The following SLC35F3 variants were observed in gnomAD, a reference collection of about 807,000 sequenced individuals.
The protein encoded by SLC35F3 is solute carrier family 35 member F3.
A neutral mutation model predicts 49.9 loss-of-function variants in SLC35F3; 25 were observed. The observed-to-expected ratio is 0.50, with a 90% confidence interval of 0.37 to 0.70. The LOEUF (loss-of-function observed/expected upper bound fraction) is 0.70, where lower values mean the gene tolerates loss of function less well. Among genes scored for constraint, SLC35F3 ranks in the 30% least tolerant of loss-of-function variants. The probability of loss-of-function intolerance (pLI) is 0.00; values close to 1 mark genes in which losing one functional copy is unlikely to be tolerated. For synonymous variants in SLC35F3, 275 were observed against 265.4 expected (o/e 1.04, Z -0.35); for missense variants, 525 against 639.8 (o/e 0.82, Z 1.94).
At chr1:234,273,508 A>G (rs1250659748) in intron 3 of SLC35F3, among the ~76,000 whole-genome samples, 1 of 152,272 alleles carries the variant, frequency 6.6e-6, no homozygotes, top group Non-Finnish European at 1.5e-5. Flanking sequence ...CAGGAAGGCC[A>G]GAAGCACATC....
chr1:234,130,817 G>A (rs1021505272), intron 2 of SLC35F3, among the ~76,000 whole-genome samples: 7 of 152,044 alleles, frequency 4.6e-5, no homozygotes, highest in African/African-American at 1.7e-4. Context: ...GAAATTCCAC[G>A]CCAAAGTATA....
intron 2 of SLC35F3, among the ~76,000 whole-genome samples, chr1:234,029,929 CTCTT>C (rs1264399900): frequency 3.3e-5 from 5 of 152,146 alleles, no homozygotes; most frequent in Non-Finnish European, 4.4e-5. Context: ...CTTCTTGTAT[CTCTT>C]TCTTTCCATT....
chr1:234,310,174 C>A (rs916217183), intron 4 of SLC35F3, among the ~76,000 whole-genome samples: 2 of 152,210 alleles, frequency 1.3e-5, no homozygotes, highest in Admixed American at 1.3e-4. Flanking sequence ...TTGCTACAAA[C>A]CAGCGCCGAG....
chr1:234,086,952 A>T (rs986713129), intron 2 of SLC35F3, among the ~76,000 whole-genome samples: 3 of 152,240 alleles, frequency 2.0e-5, no homozygotes, highest in Non-Finnish European at 2.9e-5. Flanking sequence ...TTCCCCAGGT[A>T]TAATAAATTG....
intron 2 of SLC35F3, among the ~76,000 whole-genome samples, chr1:234,001,244 T>C (rs1196231904): frequency 6.6e-6 from 1 of 152,190 alleles, no homozygotes; most frequent in East Asian, 1.9e-4. Flanking sequence ...AGACCTTAAA[T>C]TAACATGTGG....
rs1219739363 is a variant in SLC35F3 at position 233,905,042 on chromosome 1, A to G, written c.-36A>G. On this transcript the variant is annotated 5_prime_UTR_variant, in exon 1 of 8. Transcript: ENST00000366618. The stretch of plus-strand genomic sequence containing the variant: ...TCCGGCCCGCGGCCCCTCCGCCTCA[A>G]GTCTGGGAGCTGCCGGTCCCACTCT... 1 of 1,548,856 alleles carries G rather than the reference A, an allele frequency of 6.5e-7. No homozygotes were observed.
chr1:233,987,724 C>A (rs1490428641), intron 2 of SLC35F3, among the ~76,000 whole-genome samples: 1 of 152,124 alleles, frequency 6.6e-6, no homozygotes, highest in South Asian at 2.1e-4. Flanking sequence ...CATTTTCCCT[C>A]TTCTCTCTCT....
Position 234,132,620 on chromosome 1 carries a change from A to G in SLC35F3, c.284-98797A>G, listed in dbSNP as rs1184715199. On this transcript the variant is annotated intron_variant, in intron 2 of 7. Transcript: ENST00000366618. ...ATGTAAGTTTATATAAAACTTTTTC[A>G]TATTTTTGGACCATATTTTTTAATT... Among the ~76,000 whole-genome samples the G allele has an allele frequency of 5.3e-5, 8 of 152,300 alleles. No individual in the cohort carries two copies. The East Asian group carries it at 1.3e-3, about 26-fold the overall frequency.
chr1:234,058,360 A>ATTTTTTT (rs1664488052), intron 2 of SLC35F3, among the ~76,000 whole-genome samples: 1 of 29,668 alleles, frequency 3.4e-5, no homozygotes, highest in African/African-American at 2.6e-4. Context: ...TTTTTTTTTC[A>ATTTTTTT]GTTAAACAGG....
chr1:234,243,512 T>C (rs1314165492), intron 3 of SLC35F3, among the ~76,000 whole-genome samples: 1 of 152,206 alleles, frequency 6.6e-6, no homozygotes, highest in Non-Finnish European at 1.5e-5. Context: ...TTCTCGCATG[T>C]AGCAAGTGGA....
At position 234,185,786 on chromosome 1, in the gene SLC35F3, C is replaced by T. The variant is rs559509454; in HGVS notation, c.284-45631C>T. Among the ~76,000 whole-genome samples the T allele has an allele frequency of 1.1e-4, 17 of 152,268 alleles. No individual in the cohort carries two copies. In the South Asian group the frequency reaches 3.3e-3, roughly 30 times the overall value. On this transcript the variant is annotated intron_variant, in intron 2 of 7. Transcript: ENST00000366618. ...TTCATCACATCACCATTTGGATACC[C>T]GCTGAATTGCAGGTCTGTGCCAATA...
intron 2 of SLC35F3, among the ~76,000 whole-genome samples, chr1:234,219,713 G>A (rs1572100484): frequency 6.6e-6 from 1 of 152,132 alleles, no homozygotes; most frequent in South Asian, 2.1e-4. Context: ...AAAATGACCT[G>A]ATCTGACAGG....
intron 2 of SLC35F3, among the ~76,000 whole-genome samples, chr1:234,138,568 G>C (rs1665843740): frequency 6.6e-6 from 1 of 152,072 alleles, no homozygotes; most frequent in Admixed American, 6.6e-5. Context: ...ACTTGTTTTT[G>C]TTTTACAGAC....
At chr1:233,984,332 C>T (rs533091111) in intron 2 of SLC35F3, among the ~76,000 whole-genome samples, 6 of 152,332 alleles carry the variant, frequency 3.9e-5, no homozygotes, top group Admixed American at 3.3e-4. Context: ...CAGATATGCA[C>T]ACCGAGGTTT....
intron 2 of SLC35F3, among the ~76,000 whole-genome samples, chr1:234,069,495 T>G (rs1037148815): frequency 2.0e-5 from 3 of 152,026 alleles, no homozygotes; most frequent in Non-Finnish European, 4.4e-5. Context: ...GATCTCATGA[T>G]CCACCCGCCT....
intron 2 of SLC35F3, among the ~76,000 whole-genome samples, chr1:233,976,572 T>C (rs1663086304): frequency 6.6e-6 from 1 of 152,242 alleles, no homozygotes; most frequent in Non-Finnish European, 1.5e-5. Context: ...GTAAACAAAA[T>C]CTGTAATGTT....
chr1:233,932,011 G>A (rs1265111286), intron 2 of SLC35F3, among the ~76,000 whole-genome samples: 1 of 152,172 alleles, frequency 6.6e-6, no homozygotes, highest in Non-Finnish European at 1.5e-5. Flanking sequence ...GATGAAGCTG[G>A]AAACTATCAT....
Position 234,046,574 on chromosome 1 carries a change from CT to C in SLC35F3, c.283+140822del, listed in dbSNP as rs1336534379. Among the ~76,000 whole-genome samples, 1 of 151,872 alleles carries C rather than the reference CT, an allele frequency of 6.6e-6. No individual in the cohort carries two copies. Among genetic ancestry groups the C allele is most frequent in the Admixed American group, 6.6e-5 (1 of 15,238 alleles). ...TTTATTTGCACTTTGTTTGTGAGGT[CT>C]TTTTTGTTTGTGCAAGTTAATATTT... On this transcript the variant is annotated intron_variant, in intron 2 of 7. Transcript: ENST00000366618. This position sits in a 1 kb window ranked among gnomAD's most constrained non-coding sequence, Gnocchi z 4.4.
chr1:234,140,878 A>G (rs1397456691), intron 2 of SLC35F3, among the ~76,000 whole-genome samples: 1 of 152,192 alleles, frequency 6.6e-6, no homozygotes, highest in African/African-American at 2.4e-5. Context: ...TCAAGTTGCC[A>G]AGGAGTCACC....
Sources: gnomAD v4.1 joint callset for allele counts (sites outside exome capture counted in the v4.1 genomes callset) on GRCh38, gnomAD v4.1.1 for gene constraint, Gnocchi (gnomAD v3.1) non-coding constraint, MANE v1.5 for transcripts, NCBI Gene and HGNC (gene_info 2026-07-23, HGNC 2026-07-21) for gene names.